The following UVRAG variants were observed in gnomAD, a reference collection of about 807,000 sequenced individuals.
UVRAG encodes the protein UV radiation resistance associated, also known as UV radiation resistance-associated gene protein.
A neutral mutation model predicts 78.0 loss-of-function variants in UVRAG; 19 were observed. The observed-to-expected ratio is 0.24, with a 90% CI of 0.17 to 0.36. UVRAG has a LOEUF of 0.36. Among genes scored for constraint, UVRAG ranks in the 10% least tolerant of loss-of-function variants. UVRAG has a pLI of 1.00. For missense variants in UVRAG, 740 were observed against 853.8 expected (o/e 0.87, Z 1.66); for synonymous variants, 323 against 324.6 (o/e 1.00, Z 0.05).
chr11:75,922,961 A>C (rs1426677548), intron 6 of UVRAG, among the ~76,000 whole-genome samples: 2 of 147,502 alleles, frequency 1.4e-5, no homozygotes, highest in South Asian at 2.1e-4. Flanking sequence ...AGAAAAACGA[A>C]CATATATATA....
rs1360117625 is a variant in UVRAG, at chr11:75,837,034, T to TA, written c.118-14842dup. Among the ~76,000 whole-genome samples the TA allele has an allele frequency of 7.9e-5, 12 of 151,898 alleles. No individual in the cohort carries two copies. The East Asian group carries it at 1.5e-3, about 20-fold the overall frequency. On this transcript the variant is annotated intron_variant, in intron 1 of 14. Transcript: ENST00000356136. ...CACCCTAATCCCCCACCACCACAGA[T>TA]AAAAAAATCTGCTGGCCAGGAGCGG...
At chr11:76,028,091 A>AT (rs1950362855) in intron 12 of UVRAG, among the ~76,000 whole-genome samples, 1 of 152,144 alleles carries the variant, frequency 6.6e-6, no homozygotes, top group South Asian at 2.1e-4. Context: ...TCTCTGTCAC[A>AT]TTTTATTAAC....
chr11:75,851,781 A>T lies in UVRAG; in HGVS notation c.118-102A>T, dbSNP rs1281831952. 4 of 861,106 alleles carry T rather than the reference A, an allele frequency of 4.6e-6. No homozygotes were observed. In the African/African-American group the frequency reaches 6.8e-5, roughly 15 times the overall value. The allele number at this position is 861,106 out of a possible 1,614,324, so 53.3% of individuals were successfully genotyped here. ...TGGTTTCTGGCTCAATAAATAAATG[A>T]CTGAGACAACTTATTACATTTCATT... On this transcript the variant is annotated intron_variant, in intron 1 of 14. Transcript: ENST00000356136.
chr11:75,938,509 T>C (rs1454969313), intron 6 of UVRAG, among the ~76,000 whole-genome samples: 1 of 152,192 alleles, frequency 6.6e-6, no homozygotes, highest in African/African-American at 2.4e-5. Flanking sequence ...TGGAAAAATT[T>C]TCTTCCTTTC....
At chr11:75,969,608 A>G (rs1307750913) in intron 7 of UVRAG, among the ~76,000 whole-genome samples, 4 of 152,172 alleles carry the variant, frequency 2.6e-5, no homozygotes, top group African/African-American at 7.2e-5. Flanking sequence ...TATGAAAGGC[A>G]TATTTCATAG....
intron 1 of UVRAG, among the ~76,000 whole-genome samples, chr11:75,821,608 A>G (rs1210035645): frequency 6.6e-6 from 1 of 152,168 alleles, no homozygotes. Flanking sequence ...CAGTGTTGAG[A>G]TTACAGCATG....
chr11:75,849,120 G>A (rs1946097378), intron 1 of UVRAG, among the ~76,000 whole-genome samples: 1 of 152,178 alleles, frequency 6.6e-6, no homozygotes, highest in South Asian at 2.1e-4. Flanking sequence ...GGAGGCTGCA[G>A]TGAGCCGACA....
intron 6 of UVRAG, among the ~76,000 whole-genome samples, chr11:75,949,534 G>A (rs1948643906): frequency 6.6e-6 from 1 of 151,822 alleles, no homozygotes; most frequent in African/African-American, 2.4e-5. Context: ...TGTTACACAG[G>A]CACCTCCAAC....
intron 5 of UVRAG, among the ~76,000 whole-genome samples, chr11:75,889,376 A>C (rs1947166714): frequency 6.6e-6 from 1 of 152,252 alleles, no homozygotes; most frequent in Non-Finnish European, 1.5e-5. Flanking sequence ...TATCTATGGT[A>C]CTGTGCCAGG....
intron 5 of UVRAG, among the ~76,000 whole-genome samples, chr11:75,903,539 T>C (rs1487420916): frequency 1.3e-5 from 2 of 152,232 alleles, no homozygotes; most frequent in Admixed American, 6.5e-5. Context: ...TGGCTAAAGG[T>C]GTTCAGTCTG....
chr11:75,876,600 G>C (rs183536122), intron 3 of UVRAG, among the ~76,000 whole-genome samples: 1 of 151,726 alleles, frequency 6.6e-6, no homozygotes, highest in South Asian at 2.1e-4. Context: ...ATACAATCCA[G>C]TATAAAACTG....
At chr11:75,933,926 A>G (rs958681178) in intron 6 of UVRAG, among the ~76,000 whole-genome samples, 1 of 152,200 alleles carries the variant, frequency 6.6e-6, no homozygotes, top group Non-Finnish European at 1.5e-5. Context: ...TACAACCACT[A>G]TGGAGAATAG....
chr11:75,821,913 G>A (rs921224372), intron 1 of UVRAG, among the ~76,000 whole-genome samples: 10 of 147,834 alleles, frequency 6.8e-5, no homozygotes, highest in African/African-American at 1.7e-4. Flanking sequence ...CATATATTAC[G>A]TACATATTAT....
intron 6 of UVRAG, among the ~76,000 whole-genome samples, chr11:75,955,881 A>G (rs1164013913): frequency 6.6e-6 from 1 of 152,184 alleles, no homozygotes; most frequent in African/African-American, 2.4e-5. Context: ...AAGTGAGACC[A>G]CCATCTAGAA....
intron 13 of UVRAG, among the ~76,000 whole-genome samples, chr11:76,098,135 T>G (rs1439610564): frequency 6.6e-6 from 1 of 152,160 alleles, no homozygotes; most frequent in African/African-American, 2.4e-5. Flanking sequence ...TAGCAACATA[T>G]AGTCTTAACT....
chr11:76,144,153 A>G lies in UVRAG; in HGVS notation c.*2740A>G, dbSNP rs963641854. 1.3e-5 allele frequency among the ~76,000 whole-genome samples: 2 copies of G among 152,240 alleles called. No individual in the cohort carries two copies. Among genetic ancestry groups the G allele is most frequent in the Admixed American group, 6.5e-5 (1 of 15,288 alleles). On this transcript the variant is annotated 3_prime_UTR_variant, in exon 15 of 15. Coordinates refer to ENST00000356136, the MANE Select transcript of UVRAG (RefSeq NM_003369.4). ...TTTTTTAAACCACCACGAATAATAAATGGCATGTGAAACTGATCTGTTGGT... is the reference window on the plus strand; with the variant it reads ...TTTTTTAAACCACCACGAATAATAAGTGGCATGTGAAACTGATCTGTTGGT...
intron 6 of UVRAG, among the ~76,000 whole-genome samples, chr11:75,941,506 T>G (rs1738494691): frequency 6.6e-6 from 1 of 152,156 alleles, no homozygotes; most frequent in South Asian, 2.1e-4. Context: ...TTATACTTAC[T>G]GGTTGAGCGT....
intron 8 of UVRAG, among the ~76,000 whole-genome samples, chr11:75,986,796 C>T (rs372684822): frequency 6.6e-6 from 1 of 151,404 alleles, no homozygotes; most frequent in African/African-American, 2.4e-5. Flanking sequence ...TAACCACCCC[C>T]CTACCTTCTG....
At chr11:76,016,664 C>A in intron 11 of UVRAG, 151 bp from the exon 12 acceptor site, 1 of 669,410 alleles carries the variant, frequency 1.5e-6, no homozygotes, top group Middle Eastern at 4.6e-4. Context: ...AATGTGTTTA[C>A]ATTTGCATAA....
Sources: gnomAD v4.1 joint callset for allele counts (sites outside exome capture counted in the v4.1 genomes callset) on GRCh38, gnomAD v4.1.1 for gene constraint, MANE v1.5 for transcripts, NCBI Gene and HGNC (gene_info 2026-07-23, HGNC 2026-07-21) for gene names.